Variants in TAFA1 observed in about 807,000 individuals in gnomAD.
TAFA1 encodes chemokine-like protein TAFA-1.
A neutral mutation model predicts 18.5 loss-of-function variants in TAFA1; 4 were observed. The ratio of observed to expected loss-of-function variants is 0.22; its 90% CI spans 0.11 to 0.49. The LOEUF (loss-of-function observed/expected upper bound fraction) is 0.49. Ranked by LOEUF, TAFA1 falls within the 20% of genes least tolerant of loss-of-function variation. The pLI, the probability that TAFA1 is intolerant of heterozygous loss-of-function variation, is 0.98. For missense variants in TAFA1, 147 were observed against 169.0 expected, an observed-to-expected ratio of 0.87 and a Z score of 0.72; for synonymous variants, 56 against 55.2, an observed-to-expected ratio of 1.01 and a Z score of -0.06.
At chr3:68,217,614 C>G (rs539875776) in intron 2 of TAFA1, among the ~76,000 whole-genome samples, 21 of 151,980 alleles carry the variant, frequency 1.4e-4, no homozygotes, top group African/African-American at 4.8e-4. Flanking sequence ...AGAAGTGTAC[C>G]ATACTAATAC....
chr3:68,256,225 T>C (rs938214513), intron 2 of TAFA1, among the ~76,000 whole-genome samples: 3 of 152,160 alleles, frequency 2.0e-5, no homozygotes, highest in African/African-American at 4.8e-5. Context: ...AGTGCCTACT[T>C]ACTGAGGAGT....
intron 3 of TAFA1, among the ~76,000 whole-genome samples, chr3:68,521,529 G>T (rs373452023): frequency 1.3e-5 from 2 of 152,106 alleles, no homozygotes; most frequent in Non-Finnish European, 2.9e-5. Context: ...TTTAAAATAC[G>T]TGAGGAAATA....
At chr3:68,087,226 A>T (rs939733655) in intron 2 of TAFA1, among the ~76,000 whole-genome samples, 1 of 152,180 alleles carries the variant, frequency 6.6e-6, no homozygotes, top group South Asian at 2.1e-4. Flanking sequence ...TTTTGAGACA[A>T]TAGTTGAAAA....
chr3:68,208,486 G>A (rs1011169244), intron 2 of TAFA1, among the ~76,000 whole-genome samples: 1 of 151,880 alleles, frequency 6.6e-6, no homozygotes, highest in Non-Finnish European at 1.5e-5. Flanking sequence ...CTGCATTTTT[G>A]TAGTCTGGCT....
At chr3:68,326,995 G>A (rs1332706207) in intron 2 of TAFA1, among the ~76,000 whole-genome samples, 4 of 152,264 alleles carry the variant, frequency 2.6e-5, no homozygotes, top group African/African-American at 4.8e-5. Flanking sequence ...TGTTATGGGA[G>A]GGACCCAGTG....
At chr3:68,536,914 G>T (rs997769103) in intron 3 of TAFA1, among the ~76,000 whole-genome samples, 1 of 152,056 alleles carries the variant, frequency 6.6e-6, no homozygotes, top group Non-Finnish European at 1.5e-5. Flanking sequence ...TGATGGTAAG[G>T]ATATATTTTT....
At chr3:68,338,984 A>G (rs1292317032) in intron 2 of TAFA1, among the ~76,000 whole-genome samples, 3 of 152,230 alleles carry the variant, frequency 2.0e-5, no homozygotes, top group African/African-American at 7.2e-5. Flanking sequence ...CTCATGGTCA[A>G]TAACAAGAAG....
intron 2 of TAFA1, among the ~76,000 whole-genome samples, chr3:68,105,045 C>A (rs2106824860): frequency 6.6e-6 from 1 of 152,152 alleles, no homozygotes; most frequent in Admixed American, 6.6e-5. Context: ...TCTGATGTAT[C>A]ATATGGTGAG....
chr3:68,026,398 A>G (rs1298952774), intron 2 of TAFA1, among the ~76,000 whole-genome samples: 2 of 151,736 alleles, frequency 1.3e-5, no homozygotes, highest in East Asian at 1.9e-4. Flanking sequence ...TCCAAATGGC[A>G]AGTTACTATG....
chr3:68,049,647 C>T (rs1468554848), intron 2 of TAFA1, among the ~76,000 whole-genome samples: 1 of 151,570 alleles, frequency 6.6e-6, no homozygotes, highest in Non-Finnish European at 1.5e-5. Flanking sequence ...GGTAGTGGAG[C>T]ACAAGCAAAG....
intron 2 of TAFA1, among the ~76,000 whole-genome samples, chr3:68,232,035 A>G (rs1243633586): frequency 1.3e-5 from 2 of 152,188 alleles, no homozygotes; most frequent in Non-Finnish European, 2.9e-5. Flanking sequence ...TTGCATATCT[A>G]TCACCTCAGA....
chr3:68,108,507 A>G (rs953935623), intron 2 of TAFA1, among the ~76,000 whole-genome samples: 1 of 151,430 alleles, frequency 6.6e-6, no homozygotes, highest in Non-Finnish European at 1.5e-5. Context: ...ATTATGACAC[A>G]CTCTAGCCAC....
chr3:68,273,444 T>C (rs1404733734), intron 2 of TAFA1, among the ~76,000 whole-genome samples: 1 of 152,236 alleles, frequency 6.6e-6, no homozygotes, highest in Non-Finnish European at 1.5e-5. Context: ...TTTTATCTTA[T>C]TTCATCCTCA....
At chr3:68,415,480 G>T (rs1482007966) in intron 2 of TAFA1, among the ~76,000 whole-genome samples, 1 of 152,172 alleles carries the variant, frequency 6.6e-6, no homozygotes, top group Non-Finnish European at 1.5e-5. Context: ...AAAATCATTT[G>T]TGTTGGAGTG....
intron 2 of TAFA1, among the ~76,000 whole-genome samples, chr3:68,186,508 T>C (rs945160964): frequency 6.6e-6 from 1 of 152,122 alleles, no homozygotes; most frequent in Non-Finnish European, 1.5e-5. Context: ...AGTTAGACTT[T>C]TGTTTTTTTC....
chr3:68,385,767 C>T (rs951916633), intron 2 of TAFA1, among the ~76,000 whole-genome samples: 4 of 152,022 alleles, frequency 2.6e-5, no homozygotes, highest in Admixed American at 2.6e-4. Flanking sequence ...GTCACACTTA[C>T]TCATTTACAA....
rs148229054 is a variant in TAFA1 at position 68,245,676 on chromosome 3, A to T, written c.119-171604A>T. ...ATAGAAAATGTCATGGATAGAGCAA[A>T]AATCAGAAGATGAATTGCCTTGCTT... On this transcript the variant is annotated intron_variant, in intron 2 of 4. Coordinates refer to ENST00000478136, the MANE Select transcript of TAFA1 (RefSeq NM_213609.4). Among the ~76,000 whole-genome samples, 320 of 152,294 alleles carry T rather than the reference A, an allele frequency of 2.1e-3. 2 individuals are homozygous for T. The highest frequency in any genetic ancestry group is 7.5e-3 in the African/African-American group (313 of 41,574).
chr3:68,358,746 A>T (rs1045816321), intron 2 of TAFA1, among the ~76,000 whole-genome samples: 1 of 151,902 alleles, frequency 6.6e-6, no homozygotes, highest in Non-Finnish European at 1.5e-5. Context: ...CTTCAGGATG[A>T]CAGAGCCTAT....
At chr3:68,328,216 T>C (rs2068807910) in intron 2 of TAFA1, among the ~76,000 whole-genome samples, 2 of 152,204 alleles carry the variant, frequency 1.3e-5, no homozygotes, top group Admixed American at 1.3e-4. Flanking sequence ...TGGTTGGTGA[T>C]CAACTGGGAT....
Sources: gnomAD v4.1 joint callset for allele counts (sites outside exome capture counted in the v4.1 genomes callset) on GRCh38, gnomAD v4.1.1 for gene constraint, MANE v1.5 for transcripts, NCBI Gene and HGNC (gene_info 2026-07-23, HGNC 2026-07-21) for gene names.